TENM3: variants seen among roughly 807,000 people sequenced by gnomAD.
The protein encoded by TENM3 is teneurin transmembrane protein 3, also known as teneurin-3.
A neutral mutation model predicts 255.1 loss-of-function variants in TENM3; 63 were observed. That is an observed-to-expected ratio of 0.25 (90% CI 0.20 to 0.30). The LOEUF is 0.30. Ranked by LOEUF, TENM3 falls within the 10% of genes least tolerant of loss-of-function variation. The pLI, the probability that TENM3 is intolerant of heterozygous loss-of-function variation, is 1.00. For synonymous variants in TENM3, 1,306 were observed against 1,322.3 expected (o/e 0.99, Z 0.27); for missense variants, 2,929 against 3,461.1 (o/e 0.85, Z 3.86).
At chr4:182,766,112 G>C (rs546168702) in intron 22 of TENM3, among the ~76,000 whole-genome samples, 26 of 152,262 alleles carry the variant, frequency 1.7e-4, no homozygotes, top group Admixed American at 3.3e-4. Context: ...CAGTGCCAGG[G>C]TGTGGGGTCT....
chr4:182,373,703 A>G (rs562029296), intron 3 of TENM3, among the ~76,000 whole-genome samples: 1 of 152,308 alleles, frequency 6.6e-6, no homozygotes, highest in Non-Finnish European at 1.5e-5. Context: ...TAAAGGGGAC[A>G]AATATCCGAA....
the TENM3 span, among the ~76,000 whole-genome samples, chr4:181,737,170 C>T: frequency 6.6e-6 from 1 of 152,112 alleles, no homozygotes; most frequent in South Asian, 2.1e-4. Context: ...ATCCCAAAGT[C>T]TAGTACAGAT....
At chr4:182,357,037 G>A (rs1193926008) in intron 3 of TENM3, among the ~76,000 whole-genome samples, 1 of 152,068 alleles carries the variant, frequency 6.6e-6, no homozygotes, top group African/African-American at 2.4e-5. Context: ...TCCCTACAAA[G>A]CACATGAACT....
the TENM3 span, among the ~76,000 whole-genome samples, chr4:181,626,520 A>T: frequency 6.6e-6 from 1 of 152,174 alleles, no homozygotes; most frequent in Admixed American, 6.5e-5. Context: ...TCATGGCGGA[A>T]GGGGAAGTGG....
chr4:182,514,394 C>A (rs570145591), intron 3 of TENM3, among the ~76,000 whole-genome samples: 1 of 152,090 alleles, frequency 6.6e-6, no homozygotes, highest in East Asian at 1.9e-4. Context: ...AAAGAGGTTT[C>A]AAAGGGGAAA....
At chr4:182,515,771 G>A (rs1479519884) in intron 3 of TENM3, among the ~76,000 whole-genome samples, 1 of 152,130 alleles carries the variant, frequency 6.6e-6, no homozygotes, top group East Asian at 1.9e-4. Context: ...ACTACTGTAA[G>A]TTATTTACAA....
At chr4:182,213,222 T>TAA (rs1428094721) in intron 1 of TENM3, among the ~76,000 whole-genome samples, 1 of 152,230 alleles carries the variant, frequency 6.6e-6, no homozygotes, top group African/African-American at 2.4e-5. Flanking sequence ...AGAATGCATT[T>TAA]AGTCTTGTAG....
At chr4:182,331,373 C>T (rs935351643) in intron 2 of TENM3, among the ~76,000 whole-genome samples, 17 of 152,110 alleles carry the variant, frequency 1.1e-4, no homozygotes, top group Middle Eastern at 3.4e-3. Flanking sequence ...TGCAGAAACC[C>T]GGTCTCTACT....
chr4:181,722,156 G>T, the TENM3 span, among the ~76,000 whole-genome samples: 65 of 152,292 alleles, frequency 4.3e-4, no homozygotes, highest in Admixed American at 1.6e-3. Flanking sequence ...AGATTCAAAG[G>T]ACACATAGAA....
In TENM3 at chr4:182,615,789, C is replaced by T. The variant is rs148842424; in HGVS notation, c.750-12862C>T. Among the ~76,000 whole-genome samples, 13 of 152,070 alleles carry T rather than the reference C, an allele frequency of 8.5e-5. No individual in the cohort carries two copies. In the East Asian group the frequency reaches 2.5e-3, roughly 29 times the overall value. ...TGAAAAATGTTTAAGCCCTTTGACT[C>T]TGAGATCCAATGGATTGAGCGTTGT... On this transcript the variant is annotated intron_variant, in intron 4 of 27. Coordinates refer to ENST00000511685, the MANE Select transcript of TENM3 (RefSeq NM_001080477.4).
rs149087118 is a variant in TENM3 at position 182,632,177 on chromosome 4, T to C, written c.988+3288T>C. On this transcript the variant is annotated intron_variant, in intron 5 of 27. Coordinates refer to ENST00000511685, the MANE Select transcript of TENM3 (RefSeq NM_001080477.4). The stretch of plus-strand genomic sequence containing the variant: ...TTTCTCACATATCATTCATTATACA[T>C]CATCTATATAATTTTATTTAGTGGC... Among the ~76,000 whole-genome samples the C allele has an allele frequency of 3.5e-3, 539 of 152,324 alleles. 1 individual carries two copies. The highest frequency in any genetic ancestry group is 5.9e-3 in the Admixed American group (91 of 15,296).
intron 1 of TENM3, among the ~76,000 whole-genome samples, chr4:182,285,085 G>T (rs1760648396): frequency 6.6e-6 from 1 of 152,058 alleles, no homozygotes; most frequent in Non-Finnish European, 1.5e-5. Flanking sequence ...CAGCCACGCG[G>T]TTATCTTCCA....
intron 3 of TENM3, among the ~76,000 whole-genome samples, chr4:182,418,374 A>C (rs907509861): frequency 3.9e-5 from 6 of 152,156 alleles, no homozygotes; most frequent in African/African-American, 1.4e-4. Flanking sequence ...CGGAATTCGT[A>C]ATGTCCTTTG....
At chr4:182,242,165 C>T (rs774381070), upstream of TENM3, among the ~76,000 whole-genome samples, 1 of 151,802 alleles carries the variant, frequency 6.6e-6, no homozygotes, top group Non-Finnish European at 1.5e-5. Flanking sequence ...CCCAATAACT[C>T]GTCATTTACA....
chr4:181,485,487 T>C, the TENM3 span, among the ~76,000 whole-genome samples: 1 of 148,802 alleles, frequency 6.7e-6, no homozygotes, highest in South Asian at 2.1e-4. Context: ...GAAGATTTTT[T>C]TTAAAAAAAA....
intron 12 of TENM3, among the ~76,000 whole-genome samples, chr4:182,707,465 C>T (rs1373378091): frequency 6.6e-6 from 1 of 152,078 alleles, no homozygotes; most frequent in East Asian, 1.9e-4. Flanking sequence ...CTTGTGTCCT[C>T]CTCCACCTAT....
chr4:182,638,033 A>ATT (rs142290891), intron 5 of TENM3, among the ~76,000 whole-genome samples: 34 of 148,958 alleles, frequency 2.3e-4, no homozygotes, highest in South Asian at 8.5e-4. Flanking sequence ...TTAGGGGAAA[A>ATT]ATTTTTTTTT....
At chr4:182,157,991 G>T (rs558973226) in intron 1 of TENM3, among the ~76,000 whole-genome samples, 2 of 152,246 alleles carry the variant, frequency 1.3e-5, no homozygotes, top group South Asian at 4.1e-4. Flanking sequence ...ATTTTTGAAA[G>T]AAACATTGGT....
the TENM3 span, among the ~76,000 whole-genome samples, chr4:182,044,240 A>C: frequency 6.6e-6 from 1 of 152,248 alleles, no homozygotes; most frequent in Non-Finnish European, 1.5e-5. Context: ...GCACAAAAAA[A>C]GAAAAGAAAA....
Sources: allele counts gnomAD v4.1 joint callset (sites outside exome capture counted in the v4.1 genomes callset), GRCh38; gene constraint gnomAD v4.1.1; transcripts MANE v1.5; gene names NCBI Gene and HGNC (gene_info 2026-07-23, HGNC 2026-07-21).